PARD3B: variants seen among roughly 807,000 people sequenced by gnomAD.
The protein encoded by PARD3B is par-3 family cell polarity regulator beta, also known as partitioning defective 3 homolog B.
A neutral mutation model predicts 130.2 loss-of-function variants in PARD3B; 103 were observed. That is an observed-to-expected ratio of 0.79 (90% CI 0.67 to 0.93). The LOEUF (loss-of-function observed/expected upper bound fraction) is 0.93, where lower values mean the gene tolerates loss of function less well. Ranked by LOEUF, PARD3B falls within the 40% of genes least tolerant of loss-of-function variation. The pLI is 0.00. For missense variants in PARD3B, 1,609 were observed against 1,499.2 expected (o/e 1.07, Z -1.21); for synonymous variants, 583 against 553.2 (o/e 1.05, Z -0.76).
chr2:204,744,821 G>C (rs760199706), intron 2 of PARD3B, among the ~76,000 whole-genome samples: 5 of 152,066 alleles, frequency 3.3e-5, no homozygotes, highest in Admixed American at 6.6e-5. Flanking sequence ...AATTTCTGAC[G>C]GTGAGACTAA....
chr2:205,501,413 T>C (rs2050155591), intron 21 of PARD3B, among the ~76,000 whole-genome samples: 1 of 152,186 alleles, frequency 6.6e-6, no homozygotes, highest in Non-Finnish European at 1.5e-5. Context: ...TTAGCTTCTC[T>C]GTAGCAGAAG....
chr2:205,552,569 C>T (rs749215350), intron 21 of PARD3B, among the ~76,000 whole-genome samples: 46 of 151,880 alleles, frequency 3.0e-4, no homozygotes, highest in Non-Finnish European at 5.4e-4. Flanking sequence ...CCACCACACC[C>T]GGCTAATTTT....
At chr2:204,594,742 T>C (rs2125098244) in intron 1 of PARD3B, among the ~76,000 whole-genome samples, 1 of 152,292 alleles carries the variant, frequency 6.6e-6, no homozygotes, top group East Asian at 1.9e-4. Context: ...TATTTTATTC[T>C]CTGAACTATA....
In PARD3B at chr2:204,590,398, A is replaced by G. The variant is rs114432529; in HGVS notation, c.120+44279A>G. On this transcript the variant is annotated intron_variant, in intron 1 of 22. Coordinates refer to ENST00000406610, the MANE Select transcript of PARD3B (RefSeq NM_001302769.2). ...TGCGCAGTTTGTAACAGTGATTGTA[A>G]AGGATGTGCAAAGAAACGTTGGCAA... Among the ~76,000 whole-genome samples, 797 of 152,292 alleles carry G rather than the reference A, an allele frequency of 5.2e-3. 5 individuals carry two copies. The highest frequency in any genetic ancestry group is 0.018 in the African/African-American group (768 of 41,566).
At chr2:205,611,005 T>A (rs2055208756) in intron 22 of PARD3B, among the ~76,000 whole-genome samples, 1 of 152,224 alleles carries the variant, frequency 6.6e-6, no homozygotes, top group Non-Finnish European at 1.5e-5. Flanking sequence ...AAGCCCTGTG[T>A]TAAGCTCGAA....
rs1692222200 is a variant in PARD3B, at chr2:204,976,896, CAG to C, written c.394+11574_394+11575del. Reference sequence around the variant, plus strand: ...AAGTGCTGGGATTACAGGGGTGAGCCAGTCCCACCTAGCCATGCAACTGATAT... The same window carrying C: ...AAGTGCTGGGATTACAGGGGTGAGCCTCCCACCTAGCCATGCAACTGATAT... On this transcript the variant is annotated intron_variant, in intron 3 of 22. Coordinates refer to ENST00000406610, the MANE Select transcript of PARD3B (RefSeq NM_001302769.2). Among the ~76,000 whole-genome samples, 6 of 152,258 alleles carry C rather than the reference CAG, an allele frequency of 3.9e-5. No homozygotes were observed. In the South Asian group the frequency reaches 1.2e-3, roughly 32 times the overall value.
intron 2 of PARD3B, among the ~76,000 whole-genome samples, chr2:204,934,780 G>C (rs373297815): frequency 3.3e-5 from 5 of 151,768 alleles, no homozygotes; most frequent in African/African-American, 9.7e-5. Flanking sequence ...AAGTGGGAAC[G>C]GGGTAAGTAT....
intron 2 of PARD3B, among the ~76,000 whole-genome samples, chr2:204,905,730 G>A (rs1197288183): frequency 2.0e-5 from 3 of 152,170 alleles, no homozygotes; most frequent in Non-Finnish European, 4.4e-5. Flanking sequence ...AAGAGTGGGG[G>A]TTAAATTAGA....
intron 2 of PARD3B, among the ~76,000 whole-genome samples, chr2:204,945,618 A>G (rs1180068211): frequency 6.6e-6 from 1 of 152,180 alleles, no homozygotes; most frequent in Non-Finnish European, 1.5e-5. Flanking sequence ...AGCCTAGTTG[A>G]ATGTTTTCTT....
chr2:204,954,609 G>A (rs1158872494), intron 2 of PARD3B, among the ~76,000 whole-genome samples: 2 of 152,082 alleles, frequency 1.3e-5, no homozygotes, highest in African/African-American at 4.8e-5. Flanking sequence ...CCTGGCCTTG[G>A]GGGATCTCTG....
In PARD3B at chr2:205,499,921, G is replaced by T; in HGVS notation, c.3070G>T (p.Asp1024Tyr). Residue 1024 changes from aspartate to tyrosine, a missense_variant, in exon 21 of 23, where the codon GAC (aspartate) becomes TAC (tyrosine). Physicochemically the swap from Asp to Tyr is radical, Grantham distance 160. Coordinates refer to ENST00000406610, the MANE Select transcript of PARD3B (RefSeq NM_001302769.2). ...TGGCCGTCCTACGGGTGGAAGCACT[G>T]ACCGTATCCAGAAGTTGCGGAAAGA... ...DSGRPTGGST[D>Y]RIQKLRKEYY... 1 of 1,613,772 alleles carries T rather than the reference G, an allele frequency of 6.2e-7. No homozygotes were observed. Among genetic ancestry groups the T allele is most frequent in the South Asian group, 1.1e-5 (1 of 91,048 alleles).
intron 6 of PARD3B, 87 bp downstream of exon 6, chr2:205,113,664 T>A: frequency 1.0e-6 from 1 of 954,644 alleles, no homozygotes; most frequent in Non-Finnish European, 1.6e-6. Flanking sequence ...ACAAGGAGAT[T>A]AAATGTGAAT....
chr2:205,240,455 T>A (rs2039302124), intron 15 of PARD3B, among the ~76,000 whole-genome samples: 1 of 152,162 alleles, frequency 6.6e-6, no homozygotes, highest in Non-Finnish European at 1.5e-5. Context: ...TTAAATGAAA[T>A]GGAGTTATCT....
chr2:204,771,931 A>G (rs1188343251), intron 2 of PARD3B, among the ~76,000 whole-genome samples: 1 of 152,006 alleles, frequency 6.6e-6, no homozygotes, highest in Admixed American at 6.6e-5. Flanking sequence ...GACAAAAGAA[A>G]TTTTATGCAC....
chr2:205,418,341 TATTA>T (rs1211298821), intron 19 of PARD3B, among the ~76,000 whole-genome samples: 1 of 152,158 alleles, frequency 6.6e-6, no homozygotes, highest in Non-Finnish European at 1.5e-5. Context: ...ATTCAGCAAA[TATTA>T]ATTGAGCATC....
At chr2:205,343,759 T>G (rs2043634743) in intron 18 of PARD3B, among the ~76,000 whole-genome samples, 1 of 152,030 alleles carries the variant, frequency 6.6e-6, no homozygotes, top group Non-Finnish European at 1.5e-5. Context: ...TCAGTCCCTC[T>G]GCCCCCTGCC....
At chr2:205,478,997 A>G (rs551842026) in intron 20 of PARD3B, among the ~76,000 whole-genome samples, 4 of 152,334 alleles carry the variant, frequency 2.6e-5, no homozygotes, top group East Asian at 1.9e-4. Context: ...ACAGGAGGCC[A>G]TAAGAACATG....
Position 205,427,806 on chromosome 2 carries a change from T to C in PARD3B, c.2742-12564T>C, listed in dbSNP as rs145759290. Among the ~76,000 whole-genome samples, 458 of 152,308 alleles carry C rather than the reference T, an allele frequency of 3.0e-3. 1 individual carries two copies. Among genetic ancestry groups the C allele is most frequent in the African/African-American group, 9.9e-3 (413 of 41,566 alleles). On this transcript the variant is annotated intron_variant, in intron 19 of 22. Coordinates refer to ENST00000406610, the MANE Select transcript of PARD3B (RefSeq NM_001302769.2). ...GTGAAACAAATTGGTTGCATAGCCA[T>C]TCAGGAAAAAGAATTACTTCAAGTG... is the stretch of plus-strand genomic sequence containing the variant.
At chr2:204,996,443 G>A (rs1694187403) in intron 3 of PARD3B, among the ~76,000 whole-genome samples, 2 of 152,214 alleles carry the variant, frequency 1.3e-5, no homozygotes, top group Non-Finnish European at 2.9e-5. Context: ...CCGGTTCTCA[G>A]ATCTCCAGCT....
Sources: gnomAD v4.1 joint callset for allele counts (sites outside exome capture counted in the v4.1 genomes callset) on GRCh38, gnomAD v4.1.1 for gene constraint, MANE v1.5 for transcripts, NCBI Gene and HGNC (gene_info 2026-07-23, HGNC 2026-07-21) for gene names.